Variants in SPATA31H1 observed in about 807,000 individuals in gnomAD.
The protein encoded by SPATA31H1 is spermatogenesis-associated protein 31H1.
At chr2:27,558,904 A>C in the SPATA31H1 span, among the ~76,000 whole-genome samples, 1 of 48,720 alleles carries the variant, frequency 2.1e-5, no homozygotes, top group Non-Finnish European at 3.6e-5. Flanking sequence ...GGAGAGGGAG[A>C]GGGAGAGGGA....
the SPATA31H1 span, among the ~76,000 whole-genome samples, chr2:27,562,405 C>T: frequency 6.6e-6 from 1 of 151,260 alleles, no homozygotes; most frequent in African/African-American, 2.4e-5. Flanking sequence ...GTAGTCCCAG[C>T]TACTTGGGAG....
chr2:27,541,320 G>A, the SPATA31H1 span, among the ~76,000 whole-genome samples: 1 of 151,628 alleles, frequency 6.6e-6, no homozygotes, highest in South Asian at 2.1e-4. Flanking sequence ...AGGCAGGGAG[G>A]CTGCAGTGAG....
At chr2:27,549,667 C>T in the SPATA31H1 span, among the ~76,000 whole-genome samples, 1 of 151,754 alleles carries the variant, frequency 6.6e-6, no homozygotes, top group Non-Finnish European at 1.5e-5. Flanking sequence ...AAAAATTAGT[C>T]TGGCATGATG....
chr2:27,566,728 T>G, the SPATA31H1 span: 24 of 635,514 alleles, frequency 3.8e-5, 1 homozygote, highest in South Asian at 4.2e-4. Context: ...TTCTCTTTAT[T>G]TCTTAGATCA....
chr2:27,551,209 T>C, the SPATA31H1 span, among the ~76,000 whole-genome samples: 1 of 151,966 alleles, frequency 6.6e-6, no homozygotes, highest in East Asian at 1.9e-4. Context: ...CATATATTAT[T>C]GGATTAACTT....
At chr2:27,549,549 C>A in the SPATA31H1 span, among the ~76,000 whole-genome samples, 1 of 151,700 alleles carries the variant, frequency 6.6e-6, no homozygotes, top group Admixed American at 6.6e-5. Flanking sequence ...TGGCTCACAC[C>A]TGTAATCCCA....
chr2:27,578,223 C>G, the SPATA31H1 span: 2 of 1,614,136 alleles, frequency 1.2e-6, no homozygotes, highest in African/African-American at 1.3e-5. Flanking sequence ...ATATGTGAGA[C>G]CTTCAGAGCA....
At chr2:27,577,476 A>G in the SPATA31H1 span, 1 of 1,614,154 alleles carries the variant, frequency 6.2e-7, no homozygotes, top group East Asian at 2.2e-5. This position sits in a 1 kb window ranked among gnomAD's most constrained non-coding sequence, Gnocchi z 4.5. Context: ...AAGTCAAGCC[A>G]CTGGATTTGC....
At chr2:27,575,726 T>C in the SPATA31H1 span, 1 of 398,496 alleles carries the variant, frequency 2.5e-6, no homozygotes, top group Admixed American at 4.4e-5. The surrounding 1 kb of genome is among the most constrained non-coding windows in gnomAD (Gnocchi z 4.1). Flanking sequence ...CTGCATCCAT[T>C]CCAGCACCTA....
chr2:27,569,608 A>T, the SPATA31H1 span: 37 of 398,596 alleles, frequency 9.3e-5, no homozygotes, highest in Non-Finnish European at 1.5e-4. Context: ...CAGGGAGAAA[A>T]GTCTAAGCAG....
At chr2:27,581,981 G>A in the SPATA31H1 span, 1 of 1,613,968 alleles carries the variant, frequency 6.2e-7, no homozygotes, top group Non-Finnish European at 8.5e-7. Flanking sequence ...GTCCCTCTGA[G>A]AGAAGACGTC....
the SPATA31H1 span, chr2:27,576,205 T>G: frequency 2.5e-6 from 1 of 404,600 alleles, no homozygotes; most frequent in Non-Finnish European, 4.4e-6. Context: ...TTTTCTGAGT[T>G]GCATCCAGGG....
At chr2:27,576,675 AG>A in the SPATA31H1 span, 2 of 1,614,030 alleles carry the variant, frequency 1.2e-6, no homozygotes, top group Admixed American at 3.3e-5. Flanking sequence ...AGAGCCAACT[AG>A]GAAGTTCCCA....
At chr2:27,543,662 C>A in the SPATA31H1 span, among the ~76,000 whole-genome samples, 1 of 151,848 alleles carries the variant, frequency 6.6e-6, no homozygotes, top group African/African-American at 2.4e-5. Flanking sequence ...CCTTAAGCCA[C>A]AGGGATAGCT....
At chr2:27,561,487 T>C in the SPATA31H1 span, among the ~76,000 whole-genome samples, 1 of 152,198 alleles carries the variant, frequency 6.6e-6, no homozygotes, top group African/African-American at 2.4e-5. Flanking sequence ...ACATTTAAAA[T>C]CTTCTTTTTC....
the SPATA31H1 span, chr2:27,570,667 A>T: frequency 4.1e-3 from 1,627 of 398,804 alleles, 20 homozygotes; most frequent in African/African-American, 0.029. Context: ...CCACAGCTAC[A>T]ATGTGTAAAA....
the SPATA31H1 span, chr2:27,579,632 A>AG: frequency 2.5e-6 from 4 of 1,614,188 alleles, no homozygotes; most frequent in Non-Finnish European, 3.4e-6. Flanking sequence ...TCTCATGTGC[A>AG]GGGGGCCAGC....
chr2:27,570,573 C>T, the SPATA31H1 span: 1 of 398,910 alleles, frequency 2.5e-6, no homozygotes, highest in Middle Eastern at 6.3e-4. Context: ...TAACCCAGAG[C>T]TGCAGCTACA....
the SPATA31H1 span, among the ~76,000 whole-genome samples, chr2:27,538,567 C>T: frequency 5.9e-5 from 9 of 152,022 alleles, no homozygotes; most frequent in Non-Finnish European, 1.5e-5. Flanking sequence ...CGTGGTGGCT[C>T]TCGCCTGTAA....
Sources: gnomAD v4.1 joint callset for allele counts (sites outside exome capture counted in the v4.1 genomes callset) on GRCh38, gnomAD v4.1.1 for gene constraint, Gnocchi (gnomAD v3.1) non-coding constraint, MANE v1.5 for transcripts, NCBI Gene and HGNC (gene_info 2026-07-23, HGNC 2026-07-21) for gene names.